CDH18: variants seen among roughly 807,000 people sequenced by gnomAD.
The protein encoded by CDH18 is cadherin-18.
In CDH18, 31 loss-of-function variants were observed where a neutral mutation model predicts 67.9. The observed-to-expected ratio is 0.46, with a 90% confidence interval of 0.34 to 0.62. CDH18 has a LOEUF of 0.62. Among genes scored for constraint, CDH18 ranks in the 20% least tolerant of loss-of-function variants. The pLI, the probability that CDH18 is intolerant of heterozygous loss-of-function variation, is 0.01. For synonymous variants in CDH18, 362 were observed against 347.2 expected (o/e 1.04, Z -0.48); for missense variants, 890 against 975.5 (o/e 0.91, Z 1.17).
chr5:20,246,799 C>A lies in CDH18; in HGVS notation c.-518+8645G>T, dbSNP rs533882233. Reference sequence around the variant, plus strand: ...ATGATACCTGTTTAACTGGATTATTCTAAATATTAAATGAAAGTGTATATC... The same window carrying A: ...ATGATACCTGTTTAACTGGATTATTATAAATATTAAATGAAAGTGTATATC... On this transcript the variant is annotated intron_variant, in intron 2 of 14. Coordinates refer to the CDH18 transcript ENST00000507958. 5.9e-5 allele frequency among the ~76,000 whole-genome samples: 9 copies of A among 152,198 alleles called. No homozygotes were observed. The South Asian group carries it at 1.9e-3, about 32-fold the overall frequency.
At chr5:20,543,841 T>C (rs1304760752) in intron 1 of CDH18, among the ~76,000 whole-genome samples, 1 of 152,192 alleles carries the variant, frequency 6.6e-6, no homozygotes, top group African/African-American at 2.4e-5. Context: ...CTATGTATAT[T>C]CTGGCTAAAC....
intron 7 of CDH18, among the ~76,000 whole-genome samples, chr5:19,572,117 C>T (rs1405240286): frequency 6.6e-6 from 1 of 152,086 alleles, no homozygotes; most frequent in African/African-American, 2.4e-5. Context: ...TGTGTGAGGA[C>T]TGCTAGGTAA....
chr5:20,402,626 G>A (rs190917769), intron 1 of CDH18, among the ~76,000 whole-genome samples: 23 of 150,946 alleles, frequency 1.5e-4, no homozygotes, highest in East Asian at 1.2e-3. Flanking sequence ...GTCTAAAAAC[G>A]TGGATATCTT....
At chr5:19,557,228 G>T (rs992477107) in intron 8 of CDH18, among the ~76,000 whole-genome samples, 1 of 151,630 alleles carries the variant, frequency 6.6e-6, no homozygotes, top group East Asian at 1.9e-4. Flanking sequence ...ACAACACAAT[G>T]AAATAAACCA....
At chr5:20,215,433 AAAATAAATAAATAAAT>A (rs556518313) in intron 2 of CDH18, among the ~76,000 whole-genome samples, 11 of 125,942 alleles carry the variant, frequency 8.7e-5, no homozygotes, top group Admixed American at 8.3e-5. Context: ...TTCCATCCAA[AAAATAAATAAATAAAT>A]AAATAAATAA....
At chr5:20,030,263 C>T (rs1180711198) in intron 2 of CDH18, among the ~76,000 whole-genome samples, 1 of 152,132 alleles carries the variant, frequency 6.6e-6, no homozygotes, top group Non-Finnish European at 1.5e-5. Flanking sequence ...CTGAACAGGA[C>T]ATCTCAGTGT....
chr5:20,517,786 C>G (rs532296279), intron 1 of CDH18, among the ~76,000 whole-genome samples: 1 of 152,016 alleles, frequency 6.6e-6, no homozygotes, highest in Non-Finnish European at 1.5e-5. Flanking sequence ...TTGCATGTTA[C>G]AGTAAGCATA....
intron 4 of CDH18, among the ~76,000 whole-genome samples, chr5:19,738,581 T>A (rs1274115468): frequency 6.6e-6 from 1 of 152,262 alleles, no homozygotes; most frequent in African/African-American, 2.4e-5. Context: ...TAAATCTGTA[T>A]GAATGTGGTA....
At chr5:20,551,979 C>T (rs1382253701) in intron 1 of CDH18, among the ~76,000 whole-genome samples, 3 of 151,778 alleles carry the variant, frequency 2.0e-5, no homozygotes, top group South Asian at 2.1e-4. Flanking sequence ...GTTATTTTTT[C>T]AGTATTTATG....
At chr5:19,896,311 T>C (rs1434011559) in intron 2 of CDH18, among the ~76,000 whole-genome samples, 1 of 151,960 alleles carries the variant, frequency 6.6e-6, no homozygotes, top group Non-Finnish European at 1.5e-5. Context: ...AACACATCAT[T>C]GCACTCGAGC....
intron 2 of CDH18, among the ~76,000 whole-genome samples, chr5:20,063,176 A>C (rs1336791027): frequency 1.3e-5 from 2 of 151,480 alleles, no homozygotes; most frequent in Non-Finnish European, 2.9e-5. Flanking sequence ...TTTTTTCACT[A>C]GGATATAATT....
chr5:20,095,018 A>C (rs1196119430), intron 2 of CDH18, among the ~76,000 whole-genome samples: 1 of 152,102 alleles, frequency 6.6e-6, no homozygotes, highest in African/African-American at 2.4e-5. Flanking sequence ...ACATGGATGA[A>C]GCTGGAAACC....
At chr5:19,715,104 A>T (rs1345532328) in intron 5 of CDH18, among the ~76,000 whole-genome samples, 1 of 152,104 alleles carries the variant, frequency 6.6e-6, no homozygotes, top group East Asian at 1.9e-4. Context: ...TGAAATTTAA[A>T]ATCTATAGGA....
chr5:19,516,872 C>G (rs942901227), intron 10 of CDH18, among the ~76,000 whole-genome samples: 4 of 151,778 alleles, frequency 2.6e-5, no homozygotes, highest in African/African-American at 9.7e-5. Context: ...TTTGCTTAAC[C>G]ATTCACCTAT....
At chr5:20,053,592 T>C (rs1450741177) in intron 2 of CDH18, among the ~76,000 whole-genome samples, 1 of 152,118 alleles carries the variant, frequency 6.6e-6, no homozygotes, top group Non-Finnish European at 1.5e-5. Flanking sequence ...AACACTAAAA[T>C]GAATCTTATC....
intron 1 of CDH18, among the ~76,000 whole-genome samples, chr5:20,316,150 A>T (rs1737440374): frequency 6.6e-6 from 1 of 152,164 alleles, no homozygotes; most frequent in Admixed American, 6.6e-5. Flanking sequence ...AGCTTTCAAG[A>T]TTTAATACAC....
chr5:20,480,276 T>TA (rs1374916250), intron 1 of CDH18, among the ~76,000 whole-genome samples: 4 of 152,226 alleles, frequency 2.6e-5, no homozygotes, highest in Non-Finnish European at 5.9e-5. Context: ...AAATTACTGA[T>TA]AACTTGAGTA....
intron 5 of CDH18, among the ~76,000 whole-genome samples, chr5:19,634,363 T>C (rs1045083120): frequency 3.3e-5 from 5 of 152,118 alleles, no homozygotes; most frequent in African/African-American, 1.2e-4. Context: ...AGGGTCCAAA[T>C]CCTCTTCTCA....
chr5:19,990,509 G>C (rs1263984250), upstream of CDH18, among the ~76,000 whole-genome samples: 1 of 152,142 alleles, frequency 6.6e-6, no homozygotes, highest in Admixed American at 6.5e-5. Context: ...CATGCAGAGG[G>C]AATTGTCAAT....
Sources: allele counts gnomAD v4.1 joint callset (sites outside exome capture counted in the v4.1 genomes callset), GRCh38; gene constraint gnomAD v4.1.1; transcripts MANE v1.5; gene names NCBI Gene and HGNC (gene_info 2026-07-23, HGNC 2026-07-21).